Variants in C3orf49 observed in about 807,000 individuals in gnomAD.
C3orf49 encodes the protein chromosome 3 open reading frame 49, also known as putative uncharacterized protein C3orf49.
Under a neutral mutation model 13.3 loss-of-function variants are expected in C3orf49, and 27 were observed. The ratio of observed to expected loss-of-function variants is 2.02; its 90% CI spans 1.49 to 2.79. The LOEUF is 2.79. Among genes scored for constraint, C3orf49 ranks in the 30% most tolerant of loss-of-function variants. The probability of loss-of-function intolerance (pLI) is 0.00; values close to 1 mark genes in which losing one functional copy is unlikely to be tolerated. For missense variants in C3orf49, 242 were observed against 134.2 expected, an observed-to-expected ratio of 1.80 and a Z score of -3.97; for synonymous variants, 87 against 47.6, an observed-to-expected ratio of 1.83 and a Z score of -3.40.
intron 1 of C3orf49, among the ~76,000 whole-genome samples, chr3:63,820,021 T>C (rs544266988): frequency 4.4e-4 from 67 of 152,350 alleles, no homozygotes; most frequent in African/African-American, 1.5e-3. Context: ...CTAATCACAT[T>C]TCACTATGGA....
chr3:63,829,364 T>C (rs928644373), intron 3 of C3orf49, among the ~76,000 whole-genome samples: 2 of 152,128 alleles, frequency 1.3e-5, no homozygotes. Flanking sequence ...AATTGGGCAT[T>C]CATACAGAAA....
the C3orf49 span, among the ~76,000 whole-genome samples, chr3:63,785,722 G>T: frequency 1.3e-5 from 2 of 152,184 alleles, no homozygotes; most frequent in East Asian, 3.9e-4. Flanking sequence ...GGATGCAAAT[G>T]CCACCCCCAA....
At position 63,838,440 on chromosome 3, in the gene C3orf49, T is replaced by C. The variant is rs1435151155; in HGVS notation, c.850-6583T>C. The C allele has an allele frequency of 1.3e-5, 21 of 1,609,692 alleles. No individual in the cohort carries two copies. The highest frequency in any genetic ancestry group is 1.6e-5 in the Non-Finnish European group (19 of 1,178,124). ...ATTCATATCATATACTAGTAAAGTT[T>C]TGCCCATTGAAAATTCACATTGAGA... On this transcript the variant is annotated intron_variant, in intron 5 of 6. Transcript: ENST00000295896.
At chr3:63,800,770 G>A in the C3orf49 span, among the ~76,000 whole-genome samples, 1 of 152,070 alleles carries the variant, frequency 6.6e-6, no homozygotes, top group Non-Finnish European at 1.5e-5. Context: ...AAACAGTGAG[G>A]AATACAAACT....
At chr3:63,789,558 C>T in the C3orf49 span, among the ~76,000 whole-genome samples, 1 of 152,056 alleles carries the variant, frequency 6.6e-6, no homozygotes, top group African/African-American at 2.4e-5. Context: ...CGCCTGTAAT[C>T]CCAGCACTTT....
chr3:63,848,323 C>T (rs1160808599), intron 6 of C3orf49, 41 bp from the exon 7 acceptor site: 1 of 152,126 alleles, frequency 6.6e-6, no homozygotes, highest in Non-Finnish European at 1.5e-5. Flanking sequence ...GCCTCCACAA[C>T]CCCTTATTTC....
the C3orf49 span, among the ~76,000 whole-genome samples, chr3:63,799,306 A>G: frequency 6.6e-6 from 1 of 152,194 alleles, no homozygotes; most frequent in Non-Finnish European, 1.5e-5. Flanking sequence ...AAGTGTACTC[A>G]ATACTTTTTA....
At chr3:63,796,802 A>T in the C3orf49 span, among the ~76,000 whole-genome samples, 2 of 152,232 alleles carry the variant, frequency 1.3e-5, no homozygotes, top group East Asian at 3.9e-4. Flanking sequence ...GGAGAAATAC[A>T]TATACTTTAC....
intron 3 of C3orf49, among the ~76,000 whole-genome samples, chr3:63,829,859 G>T (rs1375167636): frequency 6.6e-6 from 1 of 152,108 alleles, no homozygotes; most frequent in Non-Finnish European, 1.5e-5. Context: ...CAAATCCTCA[G>T]AAGGCTGAGG....
the C3orf49 span, among the ~76,000 whole-genome samples, chr3:63,812,854 T>A: frequency 3.9e-5 from 6 of 152,232 alleles, no homozygotes; most frequent in South Asian, 4.1e-4. Flanking sequence ...AAGTAAAAAA[T>A]TTTAAATCTC....
At chr3:63,837,061 G>A (rs928564149) in intron 5 of C3orf49, among the ~76,000 whole-genome samples, 1 of 151,630 alleles carries the variant, frequency 6.6e-6, no homozygotes, top group African/African-American at 2.4e-5. Flanking sequence ...AAAAAAACTT[G>A]TAAAAAGAGG....
At position 63,823,322 on chromosome 3, in the gene C3orf49, T is replaced by C. The variant is rs1701423365; in HGVS notation, c.198T>C (p.Asp66=). Residue 66 remains aspartate, a synonymous_variant, in exon 2 of 7, where the codon GAT becomes GAC. Coordinates refer to ENST00000295896, the MANE Select transcript of C3orf49 (RefSeq NM_001355236.2). ...TCCCTAAAGAGGAATCATCCAGTGATAGTGACATGGGATTTCATGAAAGCC... is the reference window on the plus strand; with the variant it reads ...TCCCTAAAGAGGAATCATCCAGTGACAGTGACATGGGATTTCATGAAAGCC... ...VLVPKEESSS[D]SDMGFHESQQ... 2 of 703,100 alleles carry C rather than the reference T, an allele frequency of 2.8e-6. No homozygotes were observed. Among genetic ancestry groups the C allele is most frequent in the Non-Finnish European group, 5.2e-6 (2 of 385,024 alleles). 43.6% of individuals were successfully genotyped at this position (703,100 alleles called of 1,614,324 possible). A position where few individuals can be genotyped will look rare whatever the true frequency, so the allele number is the denominator to read the frequency against.
At chr3:63,787,504 A>G in the C3orf49 span, among the ~76,000 whole-genome samples, 2 of 149,136 alleles carry the variant, frequency 1.3e-5, no homozygotes, top group African/African-American at 2.6e-5. Flanking sequence ...CTACATCTTC[A>G]TGAGGTTTAA....
chr3:63,836,476 A>G (rs1701637254), intron 5 of C3orf49: 1 of 914,084 alleles, frequency 1.1e-6, no homozygotes, highest in East Asian at 2.5e-5. Flanking sequence ...AAGAAATGAA[A>G]TCACTGAAAG....
At chr3:63,808,585 G>C in the C3orf49 span, among the ~76,000 whole-genome samples, 1,827 of 152,246 alleles carry the variant, frequency 0.012, 14 homozygotes, top group Middle Eastern at 0.034. Context: ...TAGACTCTCA[G>C]AACATCTTTG....
At chr3:63,805,278 C>A in the C3orf49 span, among the ~76,000 whole-genome samples, 1 of 152,202 alleles carries the variant, frequency 6.6e-6, no homozygotes, top group African/African-American at 2.4e-5. Context: ...AGGATTTCTA[C>A]AAGGCTTCCT....
chr3:63,792,487 A>G, the C3orf49 span, among the ~76,000 whole-genome samples: 1 of 152,236 alleles, frequency 6.6e-6, no homozygotes, highest in Non-Finnish European at 1.5e-5. Context: ...ACATCATATC[A>G]TATGACTCAA....
At chr3:63,812,612 TAC>T in the C3orf49 span, among the ~76,000 whole-genome samples, 1 of 152,226 alleles carries the variant, frequency 6.6e-6, no homozygotes, top group Non-Finnish European at 1.5e-5. Context: ...TTGTGAATAA[TAC>T]AGTTTGGCTC....
intron 2 of C3orf49, among the ~76,000 whole-genome samples, chr3:63,823,831 C>T (rs967590675): frequency 1.2e-4 from 18 of 151,122 alleles, no homozygotes; most frequent in Non-Finnish European, 2.4e-4. Flanking sequence ...GATGGAATCT[C>T]GCTCTATCAC....
Sources: gnomAD v4.1 joint callset for allele counts (sites outside exome capture counted in the v4.1 genomes callset) on GRCh38, gnomAD v4.1.1 for gene constraint, MANE v1.5 for transcripts, NCBI Gene and HGNC (gene_info 2026-07-23, HGNC 2026-07-21) for gene names.